Variants in FHL5 observed in about 807,000 individuals in gnomAD.
FHL5 encodes four and a half LIM domains protein 5.
In FHL5, 33 loss-of-function variants were observed where a neutral mutation model predicts 32.0. The observed-to-expected ratio is 1.03, with a 90% CI of 0.78 to 1.38. FHL5 has a LOEUF of 1.38. FHL5 is among the 40% of genes most tolerant of loss of function. The pLI, the probability that FHL5 is intolerant of heterozygous loss-of-function variation, is 0.00. For synonymous variants in FHL5, 114 were observed against 113.6 expected (o/e 1.00, Z -0.02); for missense variants, 336 against 343.9 (o/e 0.98, Z 0.18).
intron 4 of FHL5, among the ~76,000 whole-genome samples, chr6:96,609,238 C>A (rs953967163): frequency 6.6e-6 from 1 of 152,046 alleles, no homozygotes; most frequent in Non-Finnish European, 1.5e-5. Context: ...TCGTAAACAA[C>A]GAGGCGGCTT....
intron 4 of FHL5, 91 bp downstream of exon 4, chr6:96,606,162 T>C: frequency 9.2e-7 from 1 of 1,087,816 alleles, no homozygotes; most frequent in South Asian, 1.5e-5. Flanking sequence ...TACTATTATG[T>C]TATATCTGTA....
intron 1 of FHL5, among the ~76,000 whole-genome samples, chr6:96,567,580 T>C (rs1770383507): frequency 1.3e-5 from 2 of 151,862 alleles, no homozygotes; most frequent in Non-Finnish European, 2.9e-5. Flanking sequence ...TTTAGTAGTA[T>C]TGTATTAATT....
rs1001647038 is a variant in FHL5 at position 96,616,547 on chromosome 6, A to G, written c.*775A>G. On this transcript the variant is annotated 3_prime_UTR_variant, in exon 6 of 6. Transcript: ENST00000450218. ...TTTCTAAACGCTTACAGATTCCATG[A>G]AATAAAAGTCTATTCTTTCAAGTGG... The G allele has an allele frequency of 5.3e-5, 8 of 152,230 alleles. No homozygotes were observed. Among genetic ancestry groups the G allele is most frequent in the Non-Finnish European group, 1.2e-4 (8 of 68,038 alleles). The allele number at this position is 152,230 out of a possible 1,614,324, so 9.4% of individuals were successfully genotyped here.
At chr6:96,601,471 T>C (rs1373155343) in intron 1 of FHL5, among the ~76,000 whole-genome samples, 1 of 152,250 alleles carries the variant, frequency 6.6e-6, no homozygotes, top group Non-Finnish European at 1.5e-5. Context: ...TCTGATCTGA[T>C]CACTAAATAA....
intron 1 of FHL5, among the ~76,000 whole-genome samples, chr6:96,594,267 A>ATG (rs1770989200): frequency 1.2e-5 from 1 of 80,014 alleles, no homozygotes; most frequent in African/African-American, 4.0e-5. Flanking sequence ...ATATATATAT[A>ATG]TATATATGTA....
At chr6:96,566,776 C>G (rs935074797) in intron 1 of FHL5, among the ~76,000 whole-genome samples, 5 of 151,796 alleles carry the variant, frequency 3.3e-5, no homozygotes, top group African/African-American at 1.2e-4. Context: ...TTGTACCTAC[C>G]TGTTGGCCAT....
At chr6:96,609,840 A>T (rs1173516751) in intron 4 of FHL5, among the ~76,000 whole-genome samples, 1 of 152,222 alleles carries the variant, frequency 6.6e-6, no homozygotes, top group East Asian at 1.9e-4. Context: ...CATGGCAAGT[A>T]ACTTAATGAC....
intron 1 of FHL5, among the ~76,000 whole-genome samples, chr6:96,591,452 C>T (rs962483281): frequency 6.6e-6 from 1 of 152,010 alleles, no homozygotes; most frequent in Non-Finnish European, 1.5e-5. Flanking sequence ...CCAATGTGTA[C>T]TTTTGCCCAA....
intron 1 of FHL5, among the ~76,000 whole-genome samples, chr6:96,575,464 T>C (rs1177406779): frequency 2.6e-5 from 4 of 151,734 alleles, no homozygotes; most frequent in Non-Finnish European, 5.9e-5. Context: ...CCAGAAGGAG[T>C]AGAGAGCCTG....
chr6:96,613,026 T>A (rs1453986016), intron 5 of FHL5, among the ~76,000 whole-genome samples: 1 of 152,190 alleles, frequency 6.6e-6, no homozygotes, highest in Non-Finnish European at 1.5e-5. Context: ...AATTTCAAGA[T>A]CTATTGTACA....
chr6:96,616,107 C>A lies in FHL5; in HGVS notation c.*335C>A. ...TACTGAAGAATGAGGTTTTTCATAC[C>A]TGAAGAGTAAAAGAAAAACTAAGAG... On this transcript the variant is annotated 3_prime_UTR_variant, in exon 6 of 6. Transcript: ENST00000450218. The A allele has an allele frequency of 6.2e-6, 1 of 162,146 alleles. No homozygotes were observed. The allele number at this position is 162,146 out of a possible 1,614,324, so 10.0% of individuals were successfully genotyped here.
At chr6:96,569,292 T>C (rs897768780) in intron 1 of FHL5, among the ~76,000 whole-genome samples, 1 of 152,064 alleles carries the variant, frequency 6.6e-6, no homozygotes, top group Non-Finnish European at 1.5e-5. Context: ...TTTATTATAT[T>C]GTGGTCAAAA....
At chr6:96,566,211 T>G (rs1424401889) in intron 1 of FHL5, among the ~76,000 whole-genome samples, 1 of 152,008 alleles carries the variant, frequency 6.6e-6, no homozygotes, top group African/African-American at 2.4e-5. Flanking sequence ...TCTATGAGAT[T>G]GACTTTTTTA....
intron 1 of FHL5, among the ~76,000 whole-genome samples, chr6:96,588,160 T>C (rs992025197): frequency 1.3e-5 from 2 of 152,236 alleles, no homozygotes; most frequent in Non-Finnish European, 2.9e-5. Flanking sequence ...AGTGATTTTA[T>C]CCATTCATTT....
At chr6:96,592,164 A>G (rs1391962989) in intron 1 of FHL5, among the ~76,000 whole-genome samples, 1 of 152,140 alleles carries the variant, frequency 6.6e-6, no homozygotes. Context: ...TCTCGTCCTA[A>G]TAAGCCTGGG....
intron 5 of FHL5, 24 bp from the exon 6 acceptor site, chr6:96,615,585 T>A: frequency 2.5e-6 from 4 of 1,576,640 alleles, no homozygotes; most frequent in African/African-American, 1.4e-5. Flanking sequence ...GATAGATTAA[T>A]CTTTTTCTCC....
intron 1 of FHL5, among the ~76,000 whole-genome samples, chr6:96,572,429 A>G (rs1409697101): frequency 6.6e-6 from 1 of 152,082 alleles, no homozygotes; most frequent in Non-Finnish European, 1.5e-5. Context: ...TTGACCCCAC[A>G]GGAAAAAGTG....
chr6:96,585,573 A>C (rs547472982), intron 1 of FHL5, among the ~76,000 whole-genome samples: 2 of 152,178 alleles, frequency 1.3e-5, no homozygotes, highest in African/African-American at 2.4e-5. Context: ...TTAAAAAAAA[A>C]CCCTACTCTA....
intron 4 of FHL5, among the ~76,000 whole-genome samples, 161 bp downstream of exon 4, chr6:96,606,232 G>A (rs1003812861): frequency 5.9e-5 from 9 of 151,924 alleles, no homozygotes. Context: ...TTGTCACGAT[G>A]AGCATGACCA....
Sources: allele counts gnomAD v4.1 joint callset (sites outside exome capture counted in the v4.1 genomes callset), GRCh38; gene constraint gnomAD v4.1.1; transcripts MANE v1.5; gene names NCBI Gene and HGNC (gene_info 2026-07-23, HGNC 2026-07-21).